The following RBM19 variants were observed in gnomAD, a reference collection of about 807,000 sequenced individuals.
The protein encoded by RBM19 is probable RNA-binding protein 19.
RBM19 carries 94 observed loss-of-function variants against 116.8 expected under a neutral mutation model. The observed-to-expected ratio is 0.80, with a 90% CI of 0.68 to 0.95. The LOEUF (loss-of-function observed/expected upper bound fraction) is 0.95. Ranked by LOEUF, RBM19 falls within the 40% of genes least tolerant of loss-of-function variation. RBM19 has a pLI of 0.00. For synonymous variants in RBM19, 475 were observed against 494.1 expected (o/e 0.96, Z 0.51); for missense variants, 1,161 against 1,220.7 (o/e 0.95, Z 0.73).
intron 21 of RBM19, among the ~76,000 whole-genome samples, chr12:113,880,218 T>G (rs914918257): frequency 6.6e-6 from 1 of 152,054 alleles, no homozygotes; most frequent in African/African-American, 2.4e-5. Context: ...AAAAACCACT[T>G]AAAAAATTTT....
intron 23 of RBM19, among the ~76,000 whole-genome samples, chr12:113,835,983 C>T (rs7314737): frequency 0.024 from 3,589 of 152,290 alleles, 141 homozygotes; most frequent in African/African-American, 0.082. Flanking sequence ...CTCTCGGCTG[C>T]GCTCGCAGGT....
intron 23 of RBM19, among the ~76,000 whole-genome samples, chr12:113,826,802 T>G (rs1874898541): frequency 6.6e-6 from 1 of 152,230 alleles, no homozygotes; most frequent in African/African-American, 2.4e-5. Context: ...GGTGTTGACT[T>G]CGTGTCTCTC....
chr12:113,832,104 C>T (rs569723262), intron 23 of RBM19, among the ~76,000 whole-genome samples: 40 of 152,258 alleles, frequency 2.6e-4, no homozygotes, highest in Non-Finnish European at 5.3e-4. Flanking sequence ...GCAACCTCAA[C>T]CTCTCCTGGA....
intron 22 of RBM19, among the ~76,000 whole-genome samples, chr12:113,857,002 TAAC>T (rs1330926806): frequency 1.3e-5 from 2 of 152,232 alleles, no homozygotes; most frequent in African/African-American, 2.4e-5. Flanking sequence ...GTTTGTATTG[TAAC>T]AACAAGCTCT....
chr12:113,908,067 T>G (rs1003302367), intron 21 of RBM19, among the ~76,000 whole-genome samples: 1 of 152,054 alleles, frequency 6.6e-6, no homozygotes, highest in African/African-American at 2.4e-5. Context: ...CTTTGAGAAC[T>G]TGGCTAAGGG....
chr12:113,827,778 G>C (rs1425584551), intron 23 of RBM19, among the ~76,000 whole-genome samples: 3 of 152,062 alleles, frequency 2.0e-5, no homozygotes, highest in Non-Finnish European at 2.9e-5. Context: ...GCAGGGTGCT[G>C]GGTGGGTGAG....
In RBM19 at chr12:113,945,827, C is replaced by T. The variant is rs1442829015; in HGVS notation, c.1626+1G>A. The T allele has an allele frequency of 3.2e-6, 5 of 1,545,920 alleles. No homozygotes were observed. The highest frequency in any genetic ancestry group is 2.2e-5 in the East Asian group (1 of 44,560). On this transcript the variant is annotated splice_donor_variant, in intron 13 of 23. Coordinates refer to ENST00000261741, the MANE Select transcript of RBM19 (RefSeq NM_016196.4). LOFTEE classifies it high-confidence loss of function. ...GAGAGGACTGGTCGGCCCTTACTCA[C>T]GTGGTCAAACACTTGACTCTTGGTG... is the stretch of plus-strand genomic sequence containing the variant.
At chr12:113,910,121 G>A (rs554248938) in intron 21 of RBM19, among the ~76,000 whole-genome samples, 9 of 152,106 alleles carry the variant, frequency 5.9e-5, no homozygotes, top group Non-Finnish European at 1.2e-4. Flanking sequence ...GGTCTGAAAC[G>A]CGCTCCTTAG....
chr12:113,851,639 A>T (rs1365164216), intron 22 of RBM19, among the ~76,000 whole-genome samples: 1 of 152,268 alleles, frequency 6.6e-6, no homozygotes, highest in Non-Finnish European at 1.5e-5. Flanking sequence ...GCTGGGAAGC[A>T]TAAATAAGAC....
At chr12:113,861,512 G>GTGTGTGTGTGTGTT (rs1472875184) in intron 21 of RBM19, among the ~76,000 whole-genome samples, 27 of 151,276 alleles carry the variant, frequency 1.8e-4, no homozygotes, top group Admixed American at 5.9e-4. Flanking sequence ...GTGTGTGTGT[G>GTGTGTGTGTGTGTT]TGAAGGAGAG....
In RBM19 at chr12:113,948,911, C is replaced by T. The variant is rs777884289; in HGVS notation, c.1198G>A (p.Glu400Lys). The T allele has an allele frequency of 3.7e-6, 6 of 1,614,214 alleles. No individual in the cohort carries two copies. The highest frequency in any genetic ancestry group is 3.3e-5 in the South Asian group (3 of 91,088). Residue 400 changes from glutamate to lysine, a missense_variant, in exon 10 of 24, where the codon GAA becomes AAA. By Grantham distance (56) the Glu-to-Lys change is moderately conservative. Coordinates refer to ENST00000261741, the MANE Select transcript of RBM19 (RefSeq NM_016196.4). ...GENEEEEDLAESGRLFVRNLP... is the reference protein window; with the variant it reads ...GENEEEEDLAKSGRLFVRNLP... Reference sequence around the variant, plus strand: ...TTCCGTACAAAGAGCCTTCCGGATTCGGCCAGGTCCTCCTCCTCTTCGTTC... The same window carrying T: ...TTCCGTACAAAGAGCCTTCCGGATTTGGCCAGGTCCTCCTCCTCTTCGTTC...
At chr12:113,865,772 A>T (rs1386625299) in intron 21 of RBM19, among the ~76,000 whole-genome samples, 1 of 150,196 alleles carries the variant, frequency 6.7e-6, no homozygotes, top group Non-Finnish European at 1.5e-5. Flanking sequence ...AAGAATCAAC[A>T]CTCTTTCCAA....
rs1315518766 is a variant in RBM19, at chr12:113,947,388, C to T, written c.1353G>A (p.Met451Ile). Reference sequence around the variant, plus strand: ...AGGCCTTCACAGCGTGCTCAGGGAACATGAAGGTGATGAATGCAAAACCCT... The same window carrying T: ...AGGCCTTCACAGCGTGCTCAGGGAATATGAAGGTGATGAATGCAAAACCCT... ...KPKGFAFITF[M>I]FPEHAVKAYS... Residue 451 changes from methionine to isoleucine, a missense_variant, in exon 11 of 24, where the codon ATG becomes ATA. Transcript: ENST00000261741. The T allele has an allele frequency of 6.2e-7, 1 of 1,611,656 alleles. No homozygotes were observed. Among genetic ancestry groups the T allele is most frequent in the Non-Finnish European group, 8.5e-7 (1 of 1,178,022 alleles).
intron 13 of RBM19, among the ~76,000 whole-genome samples, chr12:113,943,953 C>T (rs1179468165): frequency 1.3e-5 from 2 of 152,120 alleles, no homozygotes; most frequent in African/African-American, 4.8e-5. Context: ...ATGTGGCTCA[C>T]ATTCCCTAAT....
chr12:113,924,773 ACAAGTAT>A lies in RBM19; in HGVS notation c.2245-23_2245-17del, dbSNP rs1868909863. The A allele has an allele frequency of 6.5e-7, 1 of 1,531,864 alleles. No individual in the cohort carries two copies. Among genetic ancestry groups the A allele is most frequent in the Non-Finnish European group, 9.0e-7 (1 of 1,105,298 alleles). The allele number at this position is 1,531,864 out of a possible 1,614,324, so 94.9% of individuals were successfully genotyped here. On this transcript the variant is annotated splice_polypyrimidine_tract_variant and intron_variant, in intron 17 of 23. Transcript: ENST00000261741. The stretch of plus-strand genomic sequence containing the variant: ...TTGAAAACACCTGGATAAGAAAGTA[ACAAGTAT>A]CATCAGCAGCTCTAAACCACTATGC...
intron 12 of RBM19, 80 bp downstream of exon 12, chr12:113,946,274 C>T: frequency 6.3e-7 from 1 of 1,594,606 alleles, no homozygotes; most frequent in Non-Finnish European, 8.6e-7. Context: ...AGTCAGAAGA[C>T]CCAGGTGGCT....
intron 21 of RBM19, among the ~76,000 whole-genome samples, chr12:113,911,236 T>C (rs1338424608): frequency 6.6e-6 from 1 of 152,190 alleles, no homozygotes; most frequent in Non-Finnish European, 1.5e-5. Flanking sequence ...CCCCTATTTG[T>C]GTGTCTTCCA....
intron 23 of RBM19, among the ~76,000 whole-genome samples, chr12:113,838,159 G>A (rs114359510): frequency 0.017 from 2,619 of 152,286 alleles, 91 homozygotes; most frequent in African/African-American, 0.059. Context: ...AACCCACCCC[G>A]GGTAGGGCAC....
chr12:113,888,746 C>G (rs1880728643), intron 21 of RBM19, among the ~76,000 whole-genome samples: 1 of 152,130 alleles, frequency 6.6e-6, no homozygotes, highest in Non-Finnish European at 1.5e-5. Flanking sequence ...GGGACACTGC[C>G]TCTGTAAGCT....
Sources: gnomAD v4.1 joint callset for allele counts (sites outside exome capture counted in the v4.1 genomes callset) on GRCh38, gnomAD v4.1.1 for gene constraint, MANE v1.5 for transcripts, NCBI Gene and HGNC (gene_info 2026-07-23, HGNC 2026-07-21) for gene names.